The following ENTHD1 variants were observed in gnomAD, a reference collection of about 807,000 sequenced individuals.
ENTHD1 encodes the protein ENTH domain containing 1.
In ENTHD1, 23 loss-of-function variants were observed where a neutral mutation model predicts 39.1. That is an observed-to-expected ratio of 0.59 (90% CI 0.42 to 0.83). The LOEUF is 0.83. Ranked by LOEUF, ENTHD1 falls within the 40% of genes least tolerant of loss-of-function variation. The pLI, the probability that ENTHD1 is intolerant of heterozygous loss-of-function variation, is 0.00. For synonymous variants in ENTHD1, 230 were observed against 258.2 expected, an observed-to-expected ratio of 0.89 and a Z score of 1.05; for missense variants, 624 against 705.4, an observed-to-expected ratio of 0.88 and a Z score of 1.31.
At chr22:39,793,724 T>C (rs1200270305) in intron 5 of ENTHD1, among the ~76,000 whole-genome samples, 1 of 152,228 alleles carries the variant, frequency 6.6e-6, no homozygotes, top group African/African-American at 2.4e-5. Flanking sequence ...GTGTTCATTC[T>C]CCAGTGTATA....
intron 5 of ENTHD1, among the ~76,000 whole-genome samples, chr22:39,811,623 G>A (rs980979673): frequency 7.2e-5 from 11 of 152,206 alleles, no homozygotes; most frequent in African/African-American, 2.7e-4. Flanking sequence ...CATTATGGGT[G>A]TTACCTGATC....
intron 3 of ENTHD1, among the ~76,000 whole-genome samples, chr22:39,854,488 T>C (rs1269659945): frequency 6.6e-6 from 1 of 152,206 alleles, no homozygotes; most frequent in Non-Finnish European, 1.5e-5. Flanking sequence ...CTGTAAGTAG[T>C]GCCTCTGGAG....
At chr22:39,831,695 G>A (rs563019346) in intron 4 of ENTHD1, among the ~76,000 whole-genome samples, 4 of 151,776 alleles carry the variant, frequency 2.6e-5, no homozygotes, top group Non-Finnish European at 2.9e-5. Context: ...GTGTAGTGGC[G>A]GGCGTCTGTA....
chr22:39,771,427 C>G (rs1412020925), intron 5 of ENTHD1, among the ~76,000 whole-genome samples: 2 of 151,932 alleles, frequency 1.3e-5, no homozygotes, highest in African/African-American at 4.8e-5. Flanking sequence ...AACCAGAAAA[C>G]AAGATTCAGA....
At chr22:39,836,040 T>A (rs2065905750) in intron 3 of ENTHD1, 82 bp from the exon 4 acceptor site, 2 of 1,062,168 alleles carry the variant, frequency 1.9e-6, no homozygotes, top group African/African-American at 1.6e-5. Context: ...TGTAAGTTAA[T>A]CACTTCTGAA....
chr22:39,806,313 C>A (rs2065640149), intron 5 of ENTHD1, among the ~76,000 whole-genome samples: 1 of 152,182 alleles, frequency 6.6e-6, no homozygotes, highest in Non-Finnish European at 1.5e-5. Flanking sequence ...CTAATGTTAA[C>A]AATCAAGTGT....
chr22:39,765,176 T>TTGTGGGTGTG, intron 6 of ENTHD1, 47 bp downstream of exon 6: 1 of 1,402,022 alleles, frequency 7.1e-7, no homozygotes, highest in Non-Finnish European at 9.4e-7. Context: ...AGGTTTTTTG[T>TTGTGGGTGTG]TGTGTGTGTG....
At chr22:39,750,010 C>G (rs1354711394) in intron 6 of ENTHD1, 1 of 153,742 alleles carries the variant, frequency 6.5e-6, no homozygotes, top group Non-Finnish European at 1.5e-5. Flanking sequence ...TCATAATGTC[C>G]TCCATTTGCC....
intron 6 of ENTHD1, among the ~76,000 whole-genome samples, chr22:39,747,446 C>G (rs2065114284): frequency 6.6e-6 from 1 of 152,178 alleles, no homozygotes; most frequent in Admixed American, 6.5e-5. Flanking sequence ...TCAAGTTTCT[C>G]TGATGTCATA....
intron 6 of ENTHD1, among the ~76,000 whole-genome samples, chr22:39,745,765 T>C (rs1441657754): frequency 1.3e-5 from 2 of 152,230 alleles, no homozygotes; most frequent in Non-Finnish European, 2.9e-5. Flanking sequence ...TCTGAAAATG[T>C]CTGTACTCTG....
intron 6 of ENTHD1, among the ~76,000 whole-genome samples, chr22:39,763,912 G>A (rs2065254912): frequency 6.6e-6 from 1 of 152,046 alleles, no homozygotes; most frequent in African/African-American, 2.4e-5. Context: ...TAATCCATCA[G>A]AGCCATCATA....
At chr22:39,798,673 G>A (rs1415855732) in intron 5 of ENTHD1, among the ~76,000 whole-genome samples, 1 of 152,134 alleles carries the variant, frequency 6.6e-6, no homozygotes, top group Admixed American at 6.5e-5. Context: ...CTGGGCAGTA[G>A]AAACAGACAC....
intron 1 of ENTHD1, among the ~76,000 whole-genome samples, chr22:39,890,532 T>A (rs2066418506): frequency 6.6e-6 from 1 of 151,954 alleles, no homozygotes; most frequent in Non-Finnish European, 1.5e-5. Context: ...CAAATGTTAA[T>A]TTTTTTTTCT....
chr22:39,790,270 G>T (rs571586271), intron 5 of ENTHD1, among the ~76,000 whole-genome samples: 23 of 152,284 alleles, frequency 1.5e-4, no homozygotes, highest in African/African-American at 5.5e-4. Flanking sequence ...GAGAAGCAGG[G>T]TCACAGGTTA....
At chr22:39,849,659 AT>A (rs555775797) in intron 3 of ENTHD1, among the ~76,000 whole-genome samples, 57 of 152,280 alleles carry the variant, frequency 3.7e-4, no homozygotes, top group African/African-American at 1.3e-3. Flanking sequence ...ATTTTTGGCT[AT>A]TATAAATGGT....
At chr22:39,871,192 T>C (rs778684336) in intron 2 of ENTHD1, among the ~76,000 whole-genome samples, 1 of 148,986 alleles carries the variant, frequency 6.7e-6, no homozygotes, top group Non-Finnish European at 1.5e-5. Context: ...AATAAATAAA[T>C]AAATAAATAA....
rs924739472 is a variant in ENTHD1, at chr22:39,888,274, T to C, written c.-155-371A>G. 5.8e-4 allele frequency among the ~76,000 whole-genome samples: 86 copies of C among 148,794 alleles called. 1 individual carries two copies. The highest frequency in any genetic ancestry group is 9.2e-4 in the Non-Finnish European group (62 of 67,386). On this transcript the variant is annotated intron_variant, in intron 1 of 6. Transcript: ENST00000325157. ...TTTCTTTCTTTCTTTTTTTTTTTTT[T>C]TTTTTTTTCCAAAGACAGGGTATTG... is the stretch of plus-strand genomic sequence containing the variant.
intron 4 of ENTHD1, among the ~76,000 whole-genome samples, chr22:39,831,548 G>A (rs1806937328): frequency 6.6e-6 from 1 of 152,222 alleles, no homozygotes. Flanking sequence ...ATAGGGGCCA[G>A]GTACGGTGGC....
At position 39,852,170 on chromosome 22, in the gene ENTHD1, C is replaced by CA. The variant is rs759951926; in HGVS notation, c.592+9594dup. ...CAACATGGTGAAACTTTGTTTCTAC[C>CA]AAAAAAAAAAAACCCAAAAACCCAA... On this transcript the variant is annotated intron_variant, in intron 3 of 6. Transcript: ENST00000325157. 8.4e-3 allele frequency among the ~76,000 whole-genome samples: 1,139 copies of CA among 135,408 alleles called. 11 individuals carry two copies. Among genetic ancestry groups the CA allele is most frequent in the African/African-American group, 0.024 (879 of 36,980 alleles). 88.8% of individuals were successfully genotyped at this position (135,408 alleles called of 152,430 possible). A position where few individuals can be genotyped will look rare whatever the true frequency, so the allele number is the denominator to read the frequency against.
Sources: gnomAD v4.1 joint callset for allele counts (sites outside exome capture counted in the v4.1 genomes callset) on GRCh38, gnomAD v4.1.1 for gene constraint, MANE v1.5 for transcripts, NCBI Gene and HGNC (gene_info 2026-07-23, HGNC 2026-07-21) for gene names.